INPP4B: variants seen among roughly 807,000 people sequenced by gnomAD.
INPP4B encodes the protein inositol polyphosphate 4-phosphatase type II.
In INPP4B, 55 loss-of-function variants were observed where a neutral mutation model predicts 122.5. The observed-to-expected ratio is 0.45, with a 90% CI of 0.36 to 0.56. INPP4B has a LOEUF of 0.56. Ranked by LOEUF, INPP4B falls within the 20% of genes least tolerant of loss-of-function variation. The probability of loss-of-function intolerance (pLI) is 0.00; values close to 1 mark genes in which losing one functional copy is unlikely to be tolerated. For synonymous variants in INPP4B, 403 were observed against 388.7 expected, an observed-to-expected ratio of 1.04 and a Z score of -0.43; for missense variants, 1,000 against 1,097.7, an observed-to-expected ratio of 0.91 and a Z score of 1.26.
chr4:142,481,958 C>T (rs1820607650), intron 2 of INPP4B, among the ~76,000 whole-genome samples: 1 of 152,134 alleles, frequency 6.6e-6, no homozygotes, highest in Non-Finnish European at 1.5e-5. Context: ...GAATTAAAAG[C>T]CAAACTCCCT....
intron 2 of INPP4B, among the ~76,000 whole-genome samples, chr4:142,548,105 A>G (rs1727052426): frequency 6.6e-6 from 1 of 152,210 alleles, no homozygotes; most frequent in African/African-American, 2.4e-5. Flanking sequence ...GAGAAGCCCA[A>G]ATGAACAGCT....
intron 2 of INPP4B, among the ~76,000 whole-genome samples, chr4:142,576,615 A>G (rs540000132): frequency 5.3e-5 from 8 of 152,078 alleles, no homozygotes; most frequent in Admixed American, 1.3e-4. Flanking sequence ...TCCAAGGGGG[A>G]AAAAAAGCAC....
At chr4:142,256,337 C>T (rs1471841783) in intron 11 of INPP4B, among the ~76,000 whole-genome samples, 1 of 150,818 alleles carries the variant, frequency 6.6e-6, no homozygotes, top group South Asian at 2.1e-4. Flanking sequence ...TAGCAGAAGG[C>T]AAGAAATAAC....
intron 2 of INPP4B, among the ~76,000 whole-genome samples, chr4:142,542,217 T>A (rs1186226456): frequency 6.6e-6 from 1 of 152,170 alleles, no homozygotes; most frequent in Non-Finnish European, 1.5e-5. Context: ...TGGATAATAG[T>A]GGTTGATACT....
chr4:142,102,788 G>C (rs1398878927), intron 23 of INPP4B, among the ~76,000 whole-genome samples: 1 of 151,874 alleles, frequency 6.6e-6, no homozygotes, highest in Non-Finnish European at 1.5e-5. Flanking sequence ...CTAGTCTCAG[G>C]GGGCCTCATC....
chr4:142,331,680 T>A (rs1476981293), intron 7 of INPP4B, among the ~76,000 whole-genome samples: 2 of 152,156 alleles, frequency 1.3e-5, no homozygotes, highest in African/African-American at 4.8e-5. Flanking sequence ...TTAAAACCAA[T>A]GGAAACTTTG....
chr4:142,356,969 G>A (rs1171842887), intron 7 of INPP4B, among the ~76,000 whole-genome samples: 1 of 151,948 alleles, frequency 6.6e-6, no homozygotes, highest in Non-Finnish European at 1.5e-5. Flanking sequence ...AGTGCTTCCA[G>A]GCTGGTGAAT....
intron 25 of INPP4B, among the ~76,000 whole-genome samples, chr4:142,062,389 A>T (rs959895988): frequency 1.3e-5 from 2 of 152,170 alleles, no homozygotes; most frequent in Non-Finnish European, 2.9e-5. Context: ...ATCTACCACA[A>T]AACTCAACTG....
intron 25 of INPP4B, among the ~76,000 whole-genome samples, chr4:142,054,724 A>G (rs1422567236): frequency 1.3e-5 from 2 of 152,122 alleles, no homozygotes; most frequent in Non-Finnish European, 2.9e-5. Context: ...TAGTCACAAA[A>G]GATTCCTATA....
intron 25 of INPP4B, chr4:142,030,083 G>A (rs1361012296): frequency 2.0e-6 from 3 of 1,470,524 alleles, no homozygotes; most frequent in Middle Eastern, 1.8e-4. Flanking sequence ...ATAATTTAAA[G>A]TTCATTGTCA....
chr4:142,772,054 T>C (rs1773153741), intron 1 of INPP4B, among the ~76,000 whole-genome samples: 1 of 152,122 alleles, frequency 6.6e-6, no homozygotes, highest in Non-Finnish European at 1.5e-5. Context: ...AAGTTTGTGA[T>C]TCTAATTAGA....
chr4:142,378,408 C>CT (rs1252903599), intron 7 of INPP4B, among the ~76,000 whole-genome samples: 2 of 152,132 alleles, frequency 1.3e-5, no homozygotes, highest in Non-Finnish European at 2.9e-5. Flanking sequence ...TTTCAAGTGC[C>CT]TCTTACAGTC....
chr4:142,815,033 A>G (rs1390347320), intron 1 of INPP4B, among the ~76,000 whole-genome samples: 2 of 152,166 alleles, frequency 1.3e-5, no homozygotes, highest in South Asian at 4.1e-4. Context: ...CATGTGGCTA[A>G]TATGTACTTT....
chr4:142,276,255 G>C (rs1748345246), intron 9 of INPP4B, among the ~76,000 whole-genome samples: 1 of 151,838 alleles, frequency 6.6e-6, no homozygotes, highest in Non-Finnish European at 1.5e-5. Flanking sequence ...TCATCTTAAA[G>C]CTCTACTTTC....
At chr4:142,578,500 C>T (rs1004807834) in intron 2 of INPP4B, among the ~76,000 whole-genome samples, 1 of 151,884 alleles carries the variant, frequency 6.6e-6, no homozygotes, top group Admixed American at 6.6e-5. Context: ...AGACCTCTCT[C>T]CTTGGCTTAT....
intron 2 of INPP4B, among the ~76,000 whole-genome samples, chr4:142,518,519 G>C (rs1464341693): frequency 1.3e-5 from 2 of 152,006 alleles, no homozygotes. Flanking sequence ...CAATCTCTAA[G>C]GTGACTTCCT....
chr4:142,294,676 T>C (rs2151016496), intron 9 of INPP4B, among the ~76,000 whole-genome samples: 1 of 150,926 alleles, frequency 6.6e-6, no homozygotes, highest in South Asian at 2.1e-4. Flanking sequence ...TGATTTCACC[T>C]TTAGAAAGTG....
chr4:142,105,369 C>T (rs990682804), intron 23 of INPP4B, among the ~76,000 whole-genome samples: 2 of 152,162 alleles, frequency 1.3e-5, no homozygotes, highest in Admixed American at 6.6e-5. Context: ...TTGATGAGTG[C>T]TTCATAAAAC....
intron 2 of INPP4B, among the ~76,000 whole-genome samples, chr4:142,610,662 T>G (rs965904446): frequency 6.6e-6 from 1 of 152,192 alleles, no homozygotes; most frequent in African/African-American, 2.4e-5. Context: ...TGCATTATTT[T>G]TATGGACCTC....
Sources: allele counts gnomAD v4.1 joint callset (sites outside exome capture counted in the v4.1 genomes callset), GRCh38; gene constraint gnomAD v4.1.1; transcripts MANE v1.5; gene names NCBI Gene and HGNC (gene_info 2026-07-23, HGNC 2026-07-21).